The following PRKCQ variants were observed in gnomAD, a reference collection of about 807,000 sequenced individuals.
PRKCQ encodes the protein protein kinase C theta type.
In PRKCQ, 41 loss-of-function variants were observed where a neutral mutation model predicts 91.2. That is an observed-to-expected ratio of 0.45 (90% CI 0.35 to 0.58). The LOEUF is 0.58. Among genes scored for constraint, PRKCQ ranks in the 20% least tolerant of loss-of-function variants. PRKCQ has a pLI of 0.00. For synonymous variants in PRKCQ, 307 were observed against 316.9 expected (o/e 0.97, Z 0.33); for missense variants, 673 against 896.5 (o/e 0.75, Z 3.18).
At chr10:6,569,581 G>A (rs534551791) in intron 1 of PRKCQ, among the ~76,000 whole-genome samples, 1 of 152,282 alleles carries the variant, frequency 6.6e-6, no homozygotes, top group African/African-American at 2.4e-5. Context: ...CGGCTAGGGA[G>A]GAGGTTCCAC....
intron 8 of PRKCQ, among the ~76,000 whole-genome samples, chr10:6,487,478 G>A (rs984388325): frequency 1.3e-5 from 2 of 152,126 alleles, no homozygotes; most frequent in African/African-American, 4.8e-5. Context: ...GGGGGCTCCC[G>A]ATTAAGGATC....
At chr10:6,429,086 A>G (rs1001735941) in intron 17 of PRKCQ, among the ~76,000 whole-genome samples, 2 of 152,232 alleles carry the variant, frequency 1.3e-5, no homozygotes, top group African/African-American at 4.8e-5. Flanking sequence ...CTATGAACAC[A>G]GAGAAGCGAA....
rs75869699 is a variant in PRKCQ, at chr10:6,550,260, A to G, written c.-10+29951T>C. On this transcript the variant is annotated intron_variant, in intron 1 of 17. Transcript: ENST00000263125. ...GGAATTTATTTCCTTTTTAAGGCTA[A>G]TAGTCTAATATCCCATTGCACTTTT... 6.5e-3 allele frequency among the ~76,000 whole-genome samples: 995 copies of G among 152,274 alleles called. 8 individuals are homozygous for G. The highest frequency in any genetic ancestry group is 0.018 in the Admixed American group (281 of 15,300).
intron 1 of PRKCQ, among the ~76,000 whole-genome samples, chr10:6,552,670 T>C (rs1840235396): frequency 1.3e-5 from 2 of 152,120 alleles, no homozygotes; most frequent in Admixed American, 6.5e-5. Context: ...TCTCACTAGG[T>C]TGCTCAGGCC....
intron 1 of PRKCQ, among the ~76,000 whole-genome samples, chr10:6,536,579 A>C (rs895599965): frequency 3.9e-4 from 59 of 152,226 alleles, no homozygotes; most frequent in Middle Eastern, 3.4e-3. Context: ...TTATGCTCTA[A>C]AAATCTCTTC....
chr10:6,514,145 G>A (rs1475165206), intron 2 of PRKCQ, among the ~76,000 whole-genome samples: 3 of 151,996 alleles, frequency 2.0e-5, no homozygotes, highest in Admixed American at 2.0e-4. Flanking sequence ...AACTGTGATG[G>A]CTTCCATAGT....
the PRKCQ span, among the ~76,000 whole-genome samples, chr10:6,416,800 A>G: frequency 0.84 from 127,930 of 152,230 alleles, 53,976 homozygotes; most frequent in East Asian, 0.94. Context: ...ACTGTTTTCC[A>G]CAGTGGTTGT....
intron 1 of PRKCQ, among the ~76,000 whole-genome samples, chr10:6,547,662 G>A (rs1442467831): frequency 6.6e-6 from 1 of 150,508 alleles, no homozygotes; most frequent in Non-Finnish European, 1.5e-5. Context: ...ATGGTGCTGG[G>A]AAAACTGGCT....
chr10:6,475,000 AAAG>A (rs960979768), intron 12 of PRKCQ, among the ~76,000 whole-genome samples: 1 of 152,200 alleles, frequency 6.6e-6, no homozygotes, highest in Non-Finnish European at 1.5e-5. Flanking sequence ...AAAGTAAAAG[AAAG>A]AAGAGCTAGC....
At chr10:6,567,478 A>T (rs1006513799) in intron 1 of PRKCQ, among the ~76,000 whole-genome samples, 5 of 152,252 alleles carry the variant, frequency 3.3e-5, no homozygotes, top group Admixed American at 2.6e-4. Context: ...CGAATTCTGC[A>T]GACAAAGATG....
chr10:6,486,012 G>T (rs141859128), intron 9 of PRKCQ, 23 bp downstream of exon 9: 3 of 1,591,030 alleles, frequency 1.9e-6, no homozygotes, highest in Non-Finnish European at 2.6e-6. Flanking sequence ...TGGCGGGAAC[G>T]TGTCCACGGC....
chr10:6,577,017 A>G (rs1841263899), intron 1 of PRKCQ, among the ~76,000 whole-genome samples: 1 of 152,204 alleles, frequency 6.6e-6, no homozygotes, highest in Admixed American at 6.5e-5. Flanking sequence ...ATAAAGACTC[A>G]AAACCATATT....
intron 1 of PRKCQ, among the ~76,000 whole-genome samples, chr10:6,574,289 G>A (rs899604163): frequency 2.0e-5 from 3 of 152,186 alleles, no homozygotes; most frequent in African/African-American, 7.2e-5. Flanking sequence ...AAACGCTGGA[G>A]AGAACCTGAA....
At chr10:6,541,752 G>C (rs1408021278) in intron 1 of PRKCQ, among the ~76,000 whole-genome samples, 2 of 152,042 alleles carry the variant, frequency 1.3e-5, no homozygotes, top group Non-Finnish European at 2.9e-5. Flanking sequence ...ATTTCTCTTT[G>C]AGTGAACATT....
At chr10:6,507,757 A>T (rs902969713) in intron 3 of PRKCQ, among the ~76,000 whole-genome samples, 1 of 152,228 alleles carries the variant, frequency 6.6e-6, no homozygotes, top group Non-Finnish European at 1.5e-5. Context: ...ATCCTAAAAC[A>T]GATTCTATTT....
At chr10:6,509,566 G>T (rs534406512) in intron 3 of PRKCQ, among the ~76,000 whole-genome samples, 4 of 152,072 alleles carry the variant, frequency 2.6e-5, no homozygotes, top group African/African-American at 4.8e-5. Context: ...CTGCCACCAC[G>T]CCTGGCTAAT....
Position 6,502,469 on chromosome 10 carries a change from G to C in PRKCQ, c.380-3911C>G, listed in dbSNP as rs75253076. Among the ~76,000 whole-genome samples, 1,459 of 152,354 alleles carry C rather than the reference G, an allele frequency of 9.6e-3. 30 individuals carry two copies. Among genetic ancestry groups the C allele is most frequent in the African/African-American group, 0.034 (1,399 of 41,586 alleles). ...CCAGCACTAGCTGGGCATTGCCAGA[G>C]TGCAGAGGGTGAAGCAGAAACGATC... On this transcript the variant is annotated intron_variant, in intron 4 of 17. Transcript: ENST00000263125.
At chr10:6,494,844 A>G (rs1461596057) in intron 7 of PRKCQ, among the ~76,000 whole-genome samples, 1 of 152,176 alleles carries the variant, frequency 6.6e-6, no homozygotes, top group East Asian at 1.9e-4. Context: ...GAGGAATTCC[A>G]AGCTCATGTG....
chr10:6,546,704 C>T (rs1003372416), intron 1 of PRKCQ, among the ~76,000 whole-genome samples: 1 of 152,140 alleles, frequency 6.6e-6, no homozygotes, highest in African/African-American at 2.4e-5. Context: ...TCCTCTTTTC[C>T]TAATTGAATA....
Sources: allele counts gnomAD v4.1 joint callset (sites outside exome capture counted in the v4.1 genomes callset), GRCh38; gene constraint gnomAD v4.1.1; transcripts MANE v1.5; gene names NCBI Gene and HGNC (gene_info 2026-07-23, HGNC 2026-07-21).